Variants in SERBP1 observed in about 807,000 individuals in gnomAD.
SERBP1 encodes the protein SERPINE1 mRNA-binding protein 1.
In SERBP1, 6 loss-of-function variants were observed where a neutral mutation model predicts 50.2. The ratio of observed to expected loss-of-function variants is 0.12; its 90% CI spans 0.07 to 0.24. SERBP1 has a LOEUF of 0.24. SERBP1 is among the 10% of genes least tolerant of loss of function. The pLI is 1.00. For synonymous variants in SERBP1, 168 were observed against 182.8 expected, an observed-to-expected ratio of 0.92 and a Z score of 0.65; for missense variants, 346 against 524.9, an observed-to-expected ratio of 0.66 and a Z score of 3.33.
At chr1:67,424,763 T>A (rs1422714315) in intron 4 of SERBP1, 125 bp downstream of exon 4, 4 of 737,098 alleles carry the variant, frequency 5.4e-6, no homozygotes, top group Non-Finnish European at 9.3e-6. Flanking sequence ...TAAGACATTA[T>A]CTTGTAATAT....
Position 67,424,166 on chromosome 1 carries a change from C to G in SERBP1, c.773+34G>C, listed in dbSNP as rs139574930. ...TGGTAAAACTCCAGTGCTTTCAATT[C>G]TGGGTCATTACTATTACACGCAATA... On this transcript the variant is annotated intron_variant, in intron 5 of 7. Coordinates refer to ENST00000361219, the MANE Select transcript of SERBP1 (RefSeq NM_001018069.2). The G allele has an allele frequency of 9.0e-5, 142 of 1,572,602 alleles. No individual in the cohort carries two copies. In the African/African-American group the frequency reaches 1.8e-3, roughly 20 times the overall value.
At chr1:67,423,088 TG>T (rs1667253301) in intron 5 of SERBP1, among the ~76,000 whole-genome samples, 1 of 147,188 alleles carries the variant, frequency 6.8e-6, no homozygotes, top group Non-Finnish European at 1.5e-5. Context: ...CCAAGGAGGG[TG>T]GATCACCGAG....
At chr1:67,428,037 C>G (rs996167194) in intron 1 of SERBP1, among the ~76,000 whole-genome samples, 2 of 152,206 alleles carry the variant, frequency 1.3e-5, no homozygotes, top group Admixed American at 6.5e-5. Flanking sequence ...TCACAGAACA[C>G]AATCAGGTTA....
chr1:67,413,856 G>A (rs1666920745), intron 7 of SERBP1, among the ~76,000 whole-genome samples: 2 of 151,946 alleles, frequency 1.3e-5, no homozygotes, highest in Non-Finnish European at 2.9e-5. Context: ...GCTCAGGATG[G>A]AGTGCAGTAA....
At chr1:67,420,331 A>T in intron 5 of SERBP1, 145 bp from the exon 6 acceptor site, 1 of 697,112 alleles carries the variant, frequency 1.4e-6, no homozygotes, top group Non-Finnish European at 2.3e-6. Context: ...CTAGTTTCCT[A>T]TGTAACTAAG....
intron 1 of SERBP1, among the ~76,000 whole-genome samples, chr1:67,426,673 G>A (rs1667391669): frequency 6.6e-6 from 1 of 151,964 alleles, no homozygotes; most frequent in African/African-American, 2.4e-5. Context: ...AAAAATTTTA[G>A]GCAAGCAATA....
chr1:67,423,836 C>T (rs926833212), intron 5 of SERBP1, among the ~76,000 whole-genome samples: 4 of 152,146 alleles, frequency 2.6e-5, no homozygotes, highest in African/African-American at 9.7e-5. Context: ...GAAATAACCA[C>T]ATTAAAATAT....
intron 6 of SERBP1, among the ~76,000 whole-genome samples, chr1:67,415,585 T>C (rs1382903007): frequency 6.6e-6 from 1 of 152,174 alleles, no homozygotes; most frequent in Non-Finnish European, 1.5e-5. Context: ...TAAAGACATG[T>C]ATGCTATCAC....
intron 6 of SERBP1, among the ~76,000 whole-genome samples, chr1:67,415,560 C>T (rs1380761443): frequency 6.6e-6 from 1 of 152,166 alleles, no homozygotes; most frequent in African/African-American, 2.4e-5. Context: ...GCAGGTAATA[C>T]CAGCAGTCCT....
chr1:67,412,177 G>C lies in SERBP1; in HGVS notation c.*1030C>G, dbSNP rs895255269. On this transcript the variant is annotated 3_prime_UTR_variant, in exon 8 of 8. Transcript: ENST00000361219. ...CCAGCGCCCTTTGGTTTTTGTTTTAGAACAAGGAAGGGTTAAATGGTGGCT... is the reference window on the plus strand; with the variant it reads ...CCAGCGCCCTTTGGTTTTTGTTTTACAACAAGGAAGGGTTAAATGGTGGCT... The C allele has an allele frequency of 2.6e-5, 4 of 152,586 alleles. No homozygotes were observed. The highest frequency in any genetic ancestry group is 4.4e-5 in the Non-Finnish European group (3 of 68,026). 9.5% of individuals were successfully genotyped at this position (152,586 alleles called of 1,614,324 possible).
intron 5 of SERBP1, among the ~76,000 whole-genome samples, chr1:67,421,724 C>T (rs577829458): frequency 6.6e-6 from 1 of 151,914 alleles, no homozygotes; most frequent in East Asian, 1.9e-4. Context: ...GAGGCCAAGG[C>T]GGGAGGATCA....
intron 5 of SERBP1, among the ~76,000 whole-genome samples, chr1:67,423,414 C>T (rs905394157): frequency 6.6e-6 from 1 of 152,056 alleles, no homozygotes; most frequent in African/African-American, 2.4e-5. Flanking sequence ...GAAGACCAGC[C>T]TGGGCAAAAT....
chr1:67,423,619 A>G lies in SERBP1; in HGVS notation c.773+581T>C, dbSNP rs542197596. Among the ~76,000 whole-genome samples the G allele has an allele frequency of 2.6e-3, 389 of 152,272 alleles. 1 individual carries two copies. Among genetic ancestry groups the G allele is most frequent in the African/African-American group, 9.0e-3 (375 of 41,544 alleles). ...GAAATCTTGTCTCAAAAAAAGAAAA[A>G]AAAAAAAAAAGATAGTGAATAACAT... On this transcript the variant is annotated intron_variant, in intron 5 of 7. Coordinates refer to ENST00000361219, the MANE Select transcript of SERBP1 (RefSeq NM_001018069.2).
At chr1:67,414,234 A>G (rs1666931786) in intron 7 of SERBP1, among the ~76,000 whole-genome samples, 1 of 152,246 alleles carries the variant, frequency 6.6e-6, no homozygotes, top group Non-Finnish European at 1.5e-5. Context: ...AGGAACTAAT[A>G]TCTAAGTAGC....
At position 67,412,315 on chromosome 1, in the gene SERBP1, C is replaced by T. The variant is rs1419830774; in HGVS notation, c.*892G>A. ...AAATATTACACATTGGCCAAATCAA[C>T]TTATTCCACCCACCCTGGTGAAGGG... On this transcript the variant is annotated 3_prime_UTR_variant, in exon 8 of 8. Transcript: ENST00000361219. 1 of 152,566 alleles carries T rather than the reference C, an allele frequency of 6.6e-6. No homozygotes were observed. The highest frequency in any genetic ancestry group is 1.5e-5 in the Non-Finnish European group (1 of 68,024). The allele number at this position is 152,566 out of a possible 1,614,324, so 9.5% of individuals were successfully genotyped here.
rs1380451929 is a variant in SERBP1, at chr1:67,408,511, G to C, written c.*4696C>G. The C allele has an allele frequency of 6.7e-6, 1 of 148,262 alleles. No homozygotes were observed. The highest frequency in any genetic ancestry group is 1.5e-5 in the Non-Finnish European group (1 of 67,438). The allele number at this position is 148,262 out of a possible 1,614,324, so 9.2% of individuals were successfully genotyped here. The stretch of plus-strand genomic sequence containing the variant: ...AAGTGAACAATTGGCTACCAGTTTA[G>C]TACAGAAGTAATCAACAGCACAAAA... On this transcript the variant is annotated 3_prime_UTR_variant, in exon 8 of 8. Coordinates refer to ENST00000361219, the MANE Select transcript of SERBP1 (RefSeq NM_001018069.2).
chr1:67,420,214 C>T, intron 5 of SERBP1, 28 bp from the exon 6 acceptor site: 1 of 1,531,716 alleles, frequency 6.5e-7, no homozygotes, highest in Non-Finnish European at 8.9e-7. Context: ...AGTTTTATAC[C>T]TGGTAGAGAG....
At chr1:67,422,821 C>G (rs529277732) in intron 5 of SERBP1, among the ~76,000 whole-genome samples, 7 of 151,546 alleles carry the variant, frequency 4.6e-5, no homozygotes, top group Admixed American at 3.3e-4. Context: ...ATTAGCTGGG[C>G]GTGGTGATGC....
chr1:67,417,840 G>A (rs1419881909), intron 6 of SERBP1, among the ~76,000 whole-genome samples: 2 of 151,808 alleles, frequency 1.3e-5, no homozygotes, highest in African/African-American at 2.4e-5. Context: ...ACAATGAGGA[G>A]CAGAAAACAG....
Sources: allele counts gnomAD v4.1 joint callset (sites outside exome capture counted in the v4.1 genomes callset), GRCh38; gene constraint gnomAD v4.1.1; transcripts MANE v1.5; gene names NCBI Gene and HGNC (gene_info 2026-07-23, HGNC 2026-07-21).